The following TEX14 variants were observed in gnomAD, a reference collection of about 807,000 sequenced individuals.
The protein encoded by TEX14 is testis expressed 14, intercellular bridge forming factor.
A neutral mutation model predicts 178.6 loss-of-function variants in TEX14; 168 were observed. That is an observed-to-expected ratio of 0.94 (90% confidence interval 0.83 to 1.07). TEX14 has a LOEUF of 1.07. Among genes scored for constraint, TEX14 ranks in the 50% least tolerant of loss-of-function variants. The pLI, the probability that TEX14 is intolerant of heterozygous loss-of-function variation, is 0.00. For synonymous variants in TEX14, 626 were observed against 634.1 expected, an observed-to-expected ratio of 0.99 and a Z score of 0.19; for missense variants, 1,730 against 1,753.6, an observed-to-expected ratio of 0.99 and a Z score of 0.24.
Position 58,630,536 on chromosome 17 carries a change from A to C in TEX14, c.155T>G (p.Val52Gly). Reference protein sequence around the residue: ...ILKKGIYVDAVNSLGQTALFV... With the variant: ...ILKKGIYVDAGNSLGQTALFV... Reference sequence around the variant, plus strand: ...AAGTGCTGTTTGGCCCAAGGAGTTAACTGCATCAACATAAATTCCTGCAAA... The same window carrying C: ...AAGTGCTGTTTGGCCCAAGGAGTTACCTGCATCAACATAAATTCCTGCAAA... Residue 52 changes from valine to glycine, a missense_variant, in exon 3 of 32, where the codon GTT becomes GGT. This residue lies in a region of TEX14 where 789 missense variants were observed against 681.2 expected (regional missense o/e 1.16). Coordinates refer to ENST00000349033, the MANE Select transcript of TEX14 (RefSeq NM_031272.5). 6.2e-7 allele frequency: 1 copy of C among 1,613,654 alleles called. No individual in the cohort carries two copies. Among genetic ancestry groups the C allele is most frequent in the East Asian group, 2.2e-5 (1 of 44,872 alleles).
intron 2 of TEX14, among the ~76,000 whole-genome samples, chr17:58,644,638 CTTTTTTTT>C (rs34373378): frequency 1.0e-4 from 4 of 39,566 alleles, no homozygotes; most frequent in Admixed American, 6.4e-4. Flanking sequence ...CCGCACCTGG[CTTTTTTTT>C]TTTTTTTTTT....
intron 1 of TEX14, chr17:58,660,581 C>T (rs1044704042): frequency 7.5e-6 from 6 of 795,112 alleles, no homozygotes; most frequent in Admixed American, 1.7e-5. Context: ...GGAAGATTAG[C>T]CCATGTTCTG....
At chr17:58,688,117 T>G (rs188586) in intron 1 of TEX14, among the ~76,000 whole-genome samples, 45,342 of 151,956 alleles carry the variant, frequency 0.3, 7,233 homozygotes, top group Middle Eastern at 0.48. Flanking sequence ...TTATAGACTT[T>G]TTTTGTTTTG....
rs182135852 is a variant in TEX14, at chr17:58,622,661, C to T, written c.417+186G>A. ...AGTTGTTTGCCTTTCCCATCGAATACGATGAGTAGAAAGGTTCACTAGACC... is the reference window on the plus strand; with the variant it reads ...AGTTGTTTGCCTTTCCCATCGAATATGATGAGTAGAAAGGTTCACTAGACC... On this transcript the variant is annotated intron_variant, in intron 4 of 31. Coordinates refer to ENST00000349033, the MANE Select transcript of TEX14 (RefSeq NM_031272.5). Among the ~76,000 whole-genome samples the T allele has an allele frequency of 1.6e-3, 244 of 152,294 alleles. 1 individual carries two copies. Among genetic ancestry groups the T allele is most frequent in the Middle Eastern group, 3.4e-3 (1 of 294 alleles).
Position 58,622,899 on chromosome 17 carries a change from C to A in TEX14, c.365G>T (p.Gly122Val). 9 of 1,613,220 alleles carry A rather than the reference C, an allele frequency of 5.6e-6. No individual in the cohort carries two copies. Among genetic ancestry groups the A allele is most frequent in the Non-Finnish European group, 7.6e-6 (9 of 1,179,398 alleles). The change falls in exon 4 of 32, where the codon GGT (glycine) becomes GTT (valine). Residue 122 changes from glycine (G) to valine (V), a missense_variant. This residue lies in a region of TEX14 where 789 missense variants were observed against 681.2 expected (regional missense o/e 1.16). Transcript: ENST00000349033. ...CAAAGCCCAAGTCTTCGGGTTTTGA[C>A]CCCTCTCATCGTGGAGTCGCAGGTC... ...GGDLRLHDERGQNPKTWALTA... is the reference protein window; with the variant it reads ...GGDLRLHDERVQNPKTWALTA...
chr17:58,589,275 A>T (rs1279108208), intron 15 of TEX14, among the ~76,000 whole-genome samples: 2 of 149,732 alleles, frequency 1.3e-5, no homozygotes, highest in Non-Finnish European at 3.0e-5. Context: ...AAGAAAAAAA[A>T]GTGTAGGCTG....
intron 10 of TEX14, among the ~76,000 whole-genome samples, chr17:58,608,112 A>C (rs1000224396): frequency 6.6e-5 from 10 of 151,980 alleles, no homozygotes; most frequent in Non-Finnish European, 1.5e-4. Flanking sequence ...GCGTGACCTT[A>C]TCTCTATAAA....
chr17:58,680,589 A>C (rs2047484758), intron 1 of TEX14, among the ~76,000 whole-genome samples: 1 of 151,966 alleles, frequency 6.6e-6, no homozygotes, highest in Non-Finnish European at 1.5e-5. Context: ...TAAAAATACA[A>C]AAATCAGCTG....
intron 1 of TEX14, among the ~76,000 whole-genome samples, chr17:58,689,124 G>T (rs1423558899): frequency 6.6e-6 from 1 of 151,848 alleles, no homozygotes; most frequent in African/African-American, 2.4e-5. Context: ...TAGAGATGGG[G>T]TTTCACCGTG....
At chr17:58,603,380 C>A (rs1351620450) in intron 11 of TEX14, among the ~76,000 whole-genome samples, 2 of 151,390 alleles carry the variant, frequency 1.3e-5, no homozygotes, top group Admixed American at 1.3e-4. Context: ...ACAGTGAAAT[C>A]CCATCCCTAC....
At position 58,619,061 on chromosome 17, in the gene TEX14, G is replaced by A. The variant is rs543459507; in HGVS notation, c.555-1442C>T. 5.3e-5 allele frequency among the ~76,000 whole-genome samples: 8 copies of A among 152,306 alleles called. 1 individual carries two copies. In the South Asian group the frequency reaches 6.2e-4, roughly 12 times the overall value. On this transcript the variant is annotated intron_variant, in intron 5 of 31. Transcript: ENST00000349033. Reference sequence around the variant, plus strand: ...GCCTCAAAAGATCTAGGAGACAGTGGACCGTTTCTTGCCCAGGGGAACAGA... The same window carrying A: ...GCCTCAAAAGATCTAGGAGACAGTGAACCGTTTCTTGCCCAGGGGAACAGA...
chr17:58,618,576 A>T (rs1393147688), intron 5 of TEX14, among the ~76,000 whole-genome samples: 1 of 152,210 alleles, frequency 6.6e-6, no homozygotes. Flanking sequence ...CCAGTTGAGT[A>T]CTTTCAGCTC....
intron 15 of TEX14, among the ~76,000 whole-genome samples, chr17:58,591,720 A>G (rs530884484): frequency 6.6e-6 from 1 of 151,604 alleles, no homozygotes; most frequent in Non-Finnish European, 1.5e-5. Flanking sequence ...CAGGAAAAAA[A>G]AAAAACAAAA....
intron 3 of TEX14, among the ~76,000 whole-genome samples, chr17:58,627,580 GGCCAACAAGGTGAAACCGCATCTC>G (rs1373932649): frequency 6.6e-6 from 1 of 152,016 alleles, no homozygotes; most frequent in African/African-American, 2.4e-5. Context: ...AGATCAGCCT[GGCCAACAAGGTGAAACCGCATCTC>G]TACTAAAAAT....
intron 19 of TEX14, 24 bp downstream of exon 19, chr17:58,584,476 G>T (rs745972317): frequency 7.8e-6 from 12 of 1,538,878 alleles, no homozygotes; most frequent in Non-Finnish European, 9.9e-6. Context: ...GGTTCAACTT[G>T]GCTTTCCAGG....
At chr17:58,689,224 G>A (rs2047651833) in intron 1 of TEX14, among the ~76,000 whole-genome samples, 1 of 151,550 alleles carries the variant, frequency 6.6e-6, no homozygotes, top group Non-Finnish European at 1.5e-5. Context: ...ATCACGCTCA[G>A]CTAATTTATT....
At chr17:58,632,358 G>A (rs1319586204) in intron 2 of TEX14, among the ~76,000 whole-genome samples, 4 of 152,138 alleles carry the variant, frequency 2.6e-5, no homozygotes, top group African/African-American at 4.8e-5. Context: ...ATTCTACATG[G>A]CATTGCTGTG....
Position 58,593,619 on chromosome 17 carries a change from G to T in TEX14, c.2512C>A (p.Gln838Lys). ...CDPGKQNTDE[Q>K]FQCTQGAKDS... The stretch of plus-strand genomic sequence containing the variant: ...TTGGCTCCTTGAGTGCACTGAAATT[G>T]TTCATCTGTGTTCTGTTTTCCAGGG... The change falls in exon 15 of 32, where the codon CAA becomes AAA. Residue 838 changes from glutamine (Q) to lysine (K), a missense_variant. Physicochemically the swap from Gln to Lys is moderately conservative, Grantham distance 53 (BLOSUM62 1). Coordinates refer to ENST00000349033, the MANE Select transcript of TEX14 (RefSeq NM_031272.5). 1 of 1,614,104 alleles carries T rather than the reference G, an allele frequency of 6.2e-7. No homozygotes were observed. Among genetic ancestry groups the T allele is most frequent in the Non-Finnish European group, 8.5e-7 (1 of 1,180,010 alleles).
At chr17:58,626,135 C>A (rs530335347) in intron 3 of TEX14, among the ~76,000 whole-genome samples, 1 of 152,108 alleles carries the variant, frequency 6.6e-6, no homozygotes, top group South Asian at 2.1e-4. Context: ...TTTCCTGCCC[C>A]CCTTTCCTGC....
Sources: gnomAD v4.1 joint callset for allele counts (sites outside exome capture counted in the v4.1 genomes callset) on GRCh38, gnomAD v4.1.1 for gene constraint, gnomAD v4.1.1 regional missense constraint, MANE v1.5 for transcripts, NCBI Gene and HGNC (gene_info 2026-07-23, HGNC 2026-07-21) for gene names.